The following NSUN6 variants were observed in gnomAD, a reference collection of about 807,000 sequenced individuals.
The protein encoded by NSUN6 is NOP2/Sun RNA methyltransferase 6.
In NSUN6, 64 loss-of-function variants were observed where a neutral mutation model predicts 58.0. The ratio of observed to expected loss-of-function variants is 1.10; its 90% CI spans 0.90 to 1.36. The LOEUF (loss-of-function observed/expected upper bound fraction) is 1.36, where lower values mean the gene tolerates loss of function less well. Ranked by LOEUF, NSUN6 falls within the 40% of genes most tolerant of loss-of-function variation. The pLI is 0.00. For missense variants in NSUN6, 701 were observed against 550.1 expected (o/e 1.27, Z -2.74); for synonymous variants, 231 against 193.9 (o/e 1.19, Z -1.59).
chr10:18,575,198 G>A (rs1194054553), intron 8 of NSUN6, among the ~76,000 whole-genome samples: 1 of 152,086 alleles, frequency 6.6e-6, no homozygotes, highest in African/African-American at 2.4e-5. Flanking sequence ...CAGAGTTTAT[G>A]GTTGTATAGG....
intron 6 of NSUN6, among the ~76,000 whole-genome samples, chr10:18,600,941 A>AATATATAT (rs1170475510): frequency 3.9e-4 from 17 of 43,538 alleles, no homozygotes; most frequent in African/African-American, 1.3e-3. Flanking sequence ...AAAAAAAAAA[A>AATATATAT]ATATATATAT....
At chr10:18,550,533 C>T (rs947110960) in intron 9 of NSUN6, among the ~76,000 whole-genome samples, 1 of 152,128 alleles carries the variant, frequency 6.6e-6, no homozygotes, top group Non-Finnish European at 1.5e-5. Flanking sequence ...CTGAAATCCA[C>T]TGAGTCATTT....
intron 3 of NSUN6, among the ~76,000 whole-genome samples, chr10:18,622,705 G>A (rs543124260): frequency 9.9e-5 from 15 of 152,252 alleles, no homozygotes; most frequent in Middle Eastern, 3.4e-3. Flanking sequence ...GCAAGACTCC[G>A]CCTTGGGGGG....
At chr10:18,581,187 T>C (rs938255935) in intron 8 of NSUN6, among the ~76,000 whole-genome samples, 1 of 152,040 alleles carries the variant, frequency 6.6e-6, no homozygotes, top group Non-Finnish European at 1.5e-5. Flanking sequence ...GAACCACCCA[T>C]CTTGAATGGG....
intron 2 of NSUN6, 141 bp from the exon 3 acceptor site, chr10:18,642,696 T>G: frequency 2.0e-6 from 1 of 493,128 alleles, no homozygotes. Context: ...CGGGATACTG[T>G]AAAAATCCAA....
At chr10:18,636,370 A>C (rs1479252930) in intron 3 of NSUN6, among the ~76,000 whole-genome samples, 2 of 151,932 alleles carry the variant, frequency 1.3e-5, no homozygotes, top group South Asian at 4.1e-4. Flanking sequence ...AAAAAAAAAA[A>C]AAAAAACTGG....
chr10:18,630,198 G>C (rs1485763887), intron 3 of NSUN6, among the ~76,000 whole-genome samples: 1 of 146,852 alleles, frequency 6.8e-6, no homozygotes. Flanking sequence ...GATGTTCTTT[G>C]AAACCAACGA....
chr10:18,624,915 C>T (rs948549555), intron 3 of NSUN6, among the ~76,000 whole-genome samples: 5 of 152,080 alleles, frequency 3.3e-5, no homozygotes, highest in African/African-American at 4.8e-5. Context: ...CATGTTTATT[C>T]GGAGCACCTG....
chr10:18,607,425 G>A (rs906759998), intron 6 of NSUN6, among the ~76,000 whole-genome samples: 3 of 152,144 alleles, frequency 2.0e-5, no homozygotes, highest in African/African-American at 7.2e-5. Context: ...GTTCTGGTCT[G>A]CATTGAATTA....
intron 3 of NSUN6, among the ~76,000 whole-genome samples, chr10:18,622,037 G>GAC (rs370576076): frequency 0.11 from 15,707 of 148,348 alleles, 1,050 homozygotes; most frequent in African/African-American, 0.19. Flanking sequence ...ATATACGAAT[G>GAC]ACACACACAC....
upstream of NSUN6, chr10:18,658,287 C>CT (rs1590219451): frequency 1.3e-5 from 2 of 152,290 alleles, no homozygotes; most frequent in East Asian, 3.9e-4. Context: ...AACCATAGCA[C>CT]TGGGAGGACG....
rs1404647282 is a variant in NSUN6 at position 18,614,541 on chromosome 10, A to C, written c.494T>G (p.Phe165Cys). Residue 165 changes from phenylalanine (F) to cysteine (C), a missense_variant, in exon 5 of 11, where the codon TTT becomes TGT. Physicochemically the swap from Phe to Cys is radical, Grantham distance 205. Transcript: ENST00000377304. The stretch of plus-strand genomic sequence containing the variant: ...TCCAAGAAATACTTTTGTTCCATCA[A>C]ATTCTTTGGCTCCTTTCTTACATTT... The part of the protein sequence containing the change: ...KGKCKKGAKE[F>C]DGTKVFLGNG... 6.5e-7 allele frequency: 1 copy of C among 1,540,002 alleles called. No homozygotes were observed. Among genetic ancestry groups the C allele is most frequent in the South Asian group, 1.2e-5 (1 of 81,414 alleles).
chr10:18,568,794 T>C (rs1162320405), intron 8 of NSUN6, among the ~76,000 whole-genome samples: 2 of 151,692 alleles, frequency 1.3e-5, no homozygotes, highest in African/African-American at 4.8e-5. Context: ...CATTCTTCAT[T>C]CCATTCCACA....
At chr10:18,644,197 T>C (rs559846245) in intron 2 of NSUN6, among the ~76,000 whole-genome samples, 12 of 152,236 alleles carry the variant, frequency 7.9e-5, no homozygotes, top group Non-Finnish European at 1.8e-4. Flanking sequence ...ACTATCTTTC[T>C]TTCTCTATAA....
intron 5 of NSUN6, among the ~76,000 whole-genome samples, chr10:18,612,209 A>G (rs1213419072): frequency 6.6e-6 from 1 of 152,134 alleles, no homozygotes; most frequent in African/African-American, 2.4e-5. Context: ...GCTTGAGACC[A>G]GAATTCAAGA....
chr10:18,585,984 T>A lies in NSUN6; in HGVS notation c.887A>T (p.Lys296Met). Residue 296 changes from lysine to methionine, a missense_variant, in exon 8 of 11, where the codon AAG becomes ATG. Lys to Met is a moderately conservative substitution (Grantham distance 95). Coordinates refer to ENST00000377304, the MANE Select transcript of NSUN6 (RefSeq NM_182543.5). ...CTCCACCATATCAAGTTTAACCGCC[T>A]TTGTTCCATCAAAACAAAATGCCCT... Reference protein sequence around the residue: ...SIRAFCFDGTKAVKLDMVEDT... With the variant: ...SIRAFCFDGTMAVKLDMVEDT... 6.2e-7 allele frequency: 1 copy of A among 1,610,696 alleles called. No homozygotes were observed. Among genetic ancestry groups the A allele is most frequent in the South Asian group, 1.1e-5 (1 of 89,764 alleles).
intron 3 of NSUN6, among the ~76,000 whole-genome samples, chr10:18,626,973 C>T (rs10732437): frequency 0.8 from 121,163 of 152,158 alleles, 48,383 homozygotes; most frequent in East Asian, 0.98. Flanking sequence ...ACAGAAATTC[C>T]TTAAAATTAC....
At chr10:18,628,230 A>T (rs549349709) in intron 3 of NSUN6, among the ~76,000 whole-genome samples, 21 of 152,176 alleles carry the variant, frequency 1.4e-4, no homozygotes, top group Non-Finnish European at 3.1e-4. Context: ...AACAGAAAGG[A>T]CATCCACACC....
At chr10:18,583,472 C>T (rs1395291325) in intron 8 of NSUN6, among the ~76,000 whole-genome samples, 16 of 151,838 alleles carry the variant, frequency 1.1e-4, no homozygotes. Flanking sequence ...ATGAGATATG[C>T]AAAGAAAAAG....
Sources: gnomAD v4.1 joint callset for allele counts (sites outside exome capture counted in the v4.1 genomes callset) on GRCh38, gnomAD v4.1.1 for gene constraint, MANE v1.5 for transcripts, NCBI Gene and HGNC (gene_info 2026-07-23, HGNC 2026-07-21) for gene names.